ARHGAP24: variants seen among roughly 807,000 people sequenced by gnomAD.
The protein encoded by ARHGAP24 is Rho GTPase activating protein 24, also known as rho GTPase-activating protein 24.
In ARHGAP24, 50 loss-of-function variants were observed where a neutral mutation model predicts 76.4. The ratio of observed to expected loss-of-function variants is 0.65; its 90% CI spans 0.52 to 0.83. ARHGAP24 has a LOEUF of 0.83. Among genes scored for constraint, ARHGAP24 ranks in the 40% least tolerant of loss-of-function variants. The probability of loss-of-function intolerance (pLI) is 0.00; values close to 1 mark genes in which losing one functional copy is unlikely to be tolerated. For missense variants in ARHGAP24, 930 were observed against 914.2 expected (o/e 1.02, Z -0.22); for synonymous variants, 345 against 323.3 (o/e 1.07, Z -0.72).
chr4:85,605,910 C>T (rs752542793), intron 2 of ARHGAP24, among the ~76,000 whole-genome samples: 9 of 152,118 alleles, frequency 5.9e-5, no homozygotes, highest in Admixed American at 1.3e-4. Context: ...CAGTAATCAG[C>T]GTTTATGGAG....
chr4:85,741,966 G>A (rs553185581), intron 3 of ARHGAP24, among the ~76,000 whole-genome samples: 2 of 152,312 alleles, frequency 1.3e-5, no homozygotes, highest in South Asian at 2.1e-4. Flanking sequence ...TTTCCAATGA[G>A]AGGATTATGG....
chr4:85,496,670 G>T (rs1723597031), intron 1 of ARHGAP24, among the ~76,000 whole-genome samples: 1 of 152,178 alleles, frequency 6.6e-6, no homozygotes, highest in African/African-American at 2.4e-5. Context: ...AAGCTCCCGG[G>T]TATATTAAGT....
At chr4:85,775,447 G>A (rs554581337) in intron 3 of ARHGAP24, among the ~76,000 whole-genome samples, 64 of 152,230 alleles carry the variant, frequency 4.2e-4, no homozygotes, top group Middle Eastern at 3.4e-3. Flanking sequence ...CATGACGGAA[G>A]GTTAAAGGCA....
At chr4:85,839,847 T>C (rs78788219) in intron 3 of ARHGAP24, among the ~76,000 whole-genome samples, 1 of 125,920 alleles carries the variant, frequency 7.9e-6, no homozygotes, top group African/African-American at 3.0e-5. Context: ...TGTTTTCTTT[T>C]TTTTTTTTTT....
chr4:85,625,238 T>G (rs949734813), intron 2 of ARHGAP24, among the ~76,000 whole-genome samples: 2 of 152,222 alleles, frequency 1.3e-5, no homozygotes, highest in South Asian at 2.1e-4. Flanking sequence ...TACATACTGC[T>G]TTGAATGTGT....
intron 5 of ARHGAP24, among the ~76,000 whole-genome samples, chr4:85,953,639 T>C (rs1158818698): frequency 2.9e-5 from 4 of 136,456 alleles, no homozygotes; most frequent in Non-Finnish European, 6.1e-5. Flanking sequence ...CCACAGGCGA[T>C]TTTTTTTTTT....
At chr4:85,508,353 A>G (rs1174734398) in intron 1 of ARHGAP24, among the ~76,000 whole-genome samples, 1 of 152,238 alleles carries the variant, frequency 6.6e-6, no homozygotes, top group Non-Finnish European at 1.5e-5. Context: ...AAATACTAAC[A>G]TTAACAAAGG....
chr4:85,875,717 T>A (rs1020785690), intron 3 of ARHGAP24, among the ~76,000 whole-genome samples: 2 of 137,322 alleles, frequency 1.5e-5, no homozygotes, highest in Non-Finnish European at 3.0e-5. Context: ...AATTTATATA[T>A]AAAAATATAC....
chr4:85,560,261 A>G (rs189229491), intron 1 of ARHGAP24, among the ~76,000 whole-genome samples: 1 of 151,618 alleles, frequency 6.6e-6, no homozygotes, highest in East Asian at 1.9e-4. Flanking sequence ...TATTATACAT[A>G]TATTAAAATT....
chr4:85,766,877 T>G (rs1180843998), intron 3 of ARHGAP24, among the ~76,000 whole-genome samples: 1 of 152,210 alleles, frequency 6.6e-6, no homozygotes, highest in African/African-American at 2.4e-5. Context: ...ATGCACTGCA[T>G]AACAATGTTT....
intron 3 of ARHGAP24, chr4:85,828,099 T>C (rs1729808566): frequency 2.2e-5 from 15 of 669,340 alleles, no homozygotes; most frequent in South Asian, 2.2e-4. Context: ...TGTGCGGTTT[T>C]ATTTATACCC....
At chr4:85,629,929 G>T (rs1600840) in intron 2 of ARHGAP24, among the ~76,000 whole-genome samples, 50,025 of 151,846 alleles carry the variant, frequency 0.33, 9,287 homozygotes, top group East Asian at 0.84. Context: ...TGAGATTTCT[G>T]ACCCCTTTTC....
chr4:86,000,512 AATG>A lies in ARHGAP24; in HGVS notation c.2042_2044del (p.Met681del). On this transcript the variant is annotated inframe_deletion, in exon 10 of 10. Coordinates refer to ENST00000395184, the MANE Select transcript of ARHGAP24 (RefSeq NM_001025616.3). The stretch of plus-strand genomic sequence containing the variant: ...AGCGAAACTTGACTTTGGAAACAGA[AATG>A]ATGAGCCTCCATGATGAACTGGATC... 6.4e-7 allele frequency: 1 copy of A among 1,565,832 alleles called. No individual in the cohort carries two copies. Among genetic ancestry groups the A allele is most frequent in the Non-Finnish European group, 8.7e-7 (1 of 1,151,272 alleles).
At chr4:85,500,724 A>G (rs1412414105) in intron 1 of ARHGAP24, among the ~76,000 whole-genome samples, 1 of 152,118 alleles carries the variant, frequency 6.6e-6, no homozygotes, top group East Asian at 1.9e-4. Flanking sequence ...AGACTTTTTT[A>G]TTATGATGAT....
rs1740999603 is a variant in ARHGAP24 at position 86,001,192 on chromosome 4, T to A, written c.*470T>A. The A allele has an allele frequency of 2.5e-6, 1 of 396,392 alleles. No homozygotes were observed. Among genetic ancestry groups the A allele is most frequent in the Non-Finnish European group, 4.4e-6 (1 of 225,076 alleles). The allele number at this position is 396,392 out of a possible 1,614,324, so 24.6% of individuals were successfully genotyped here. A position where few individuals can be genotyped will look rare whatever the true frequency, so the allele number is the denominator to read the frequency against. ...ATAAGCAAAAATATAAATATATATA[T>A]AAATATATGAGTTATTAAAATCAGA... is the stretch of plus-strand genomic sequence containing the variant. On this transcript the variant is annotated 3_prime_UTR_variant, in exon 10 of 10. Transcript: ENST00000395184.
chr4:85,732,629 T>C (rs1196096354), intron 3 of ARHGAP24, among the ~76,000 whole-genome samples: 1 of 152,172 alleles, frequency 6.6e-6, no homozygotes, highest in Non-Finnish European at 1.5e-5. Flanking sequence ...TGTGGGTTCA[T>C]TTAGCCCATG....
intron 2 of ARHGAP24, among the ~76,000 whole-genome samples, chr4:85,625,361 T>C (rs1333554627): frequency 3.9e-5 from 6 of 152,216 alleles, no homozygotes; most frequent in Admixed American, 6.5e-5. Flanking sequence ...GGTTGTTCAG[T>C]TTCCATGTAG....
intron 8 of ARHGAP24, chr4:85,992,253 C>T: frequency 2.5e-6 from 1 of 395,654 alleles, no homozygotes; most frequent in East Asian, 3.6e-5. Flanking sequence ...CTAGTCTGTC[C>T]TAAACAACTA....
intron 4 of ARHGAP24, among the ~76,000 whole-genome samples, chr4:85,926,724 G>A (rs1005077806): frequency 3.0e-4 from 46 of 151,926 alleles, no homozygotes; most frequent in Non-Finnish European, 4.3e-4. Context: ...CTTTTCTGCC[G>A]ATTTGCAATA....
Sources: gnomAD v4.1 joint callset for allele counts (sites outside exome capture counted in the v4.1 genomes callset) on GRCh38, gnomAD v4.1.1 for gene constraint, MANE v1.5 for transcripts, NCBI Gene and HGNC (gene_info 2026-07-23, HGNC 2026-07-21) for gene names.